Variants in PPP6R3 observed in about 807,000 individuals in gnomAD.
The protein encoded by PPP6R3 is serine/threonine-protein phosphatase 6 regulatory subunit 3.
Under a neutral mutation model 110.7 loss-of-function variants are expected in PPP6R3, and 38 were observed. That is an observed-to-expected ratio of 0.34 (90% CI 0.26 to 0.45). The LOEUF (loss-of-function observed/expected upper bound fraction) is 0.45, where lower values mean the gene tolerates loss of function less well. Among genes scored for constraint, PPP6R3 ranks in the 20% least tolerant of loss-of-function variants. The pLI is 1.00. For synonymous variants in PPP6R3, 369 were observed against 373.5 expected (o/e 0.99, Z 0.14); for missense variants, 870 against 1,062.4 (o/e 0.82, Z 2.52).
At chr11:68,601,754 A>G in intron 20 of PPP6R3, 109 bp from the exon 21 acceptor site, 1 of 818,426 alleles carries the variant, frequency 1.2e-6, no homozygotes, top group South Asian at 1.7e-5. Flanking sequence ...TCTTACACAG[A>G]TGCTAATGTC....
chr11:68,467,358 G>A (rs2098755780), intron 1 of PPP6R3, among the ~76,000 whole-genome samples: 1 of 152,180 alleles, frequency 6.6e-6, no homozygotes, highest in Admixed American at 6.5e-5. Flanking sequence ...ATTGACTACC[G>A]TGAAATCTGA....
chr11:68,609,758 C>A, intron 22 of PPP6R3, 146 bp from the exon 23 acceptor site: 1 of 1,550,010 alleles, frequency 6.5e-7, no homozygotes, highest in Non-Finnish European at 8.9e-7. Flanking sequence ...GTTGTGTGAT[C>A]GTGCACCCTG....
intron 1 of PPP6R3, among the ~76,000 whole-genome samples, chr11:68,488,367 T>A (rs1404651417): frequency 1.3e-5 from 2 of 152,158 alleles, no homozygotes; most frequent in African/African-American, 2.4e-5. Flanking sequence ...AGAGATGGTG[T>A]CTCGCTGTGT....
At chr11:68,507,935 G>C (rs971413086) in intron 1 of PPP6R3, among the ~76,000 whole-genome samples, 10 of 152,134 alleles carry the variant, frequency 6.6e-5, no homozygotes, top group African/African-American at 2.4e-4. Context: ...GCTGGGTGAG[G>C]TGGCTAACAC....
intron 12 of PPP6R3, among the ~76,000 whole-genome samples, chr11:68,571,787 T>C (rs1398839268): frequency 6.6e-6 from 1 of 152,192 alleles, no homozygotes; most frequent in Non-Finnish European, 1.5e-5. Context: ...ACAGGTTTAT[T>C]GAGATATAAT....
At chr11:68,479,410 G>A (rs2098882335) in intron 1 of PPP6R3, among the ~76,000 whole-genome samples, 1 of 152,136 alleles carries the variant, frequency 6.6e-6, no homozygotes, top group Non-Finnish European at 1.5e-5. Flanking sequence ...TTGGATTTTG[G>A]AGCATTTCTG....
rs34666175 is a variant in PPP6R3, at chr11:68,542,389, GTTTTT to G, written c.228-2431_228-2427del. Among the ~76,000 whole-genome samples, 37 of 40,206 alleles carry G rather than the reference GTTTTT, an allele frequency of 9.2e-4. 1 individual carries two copies. Among genetic ancestry groups the G allele is most frequent in the South Asian group, 3.6e-3 (2 of 558 alleles). 26.4% of individuals were successfully genotyped at this position (40,206 alleles called of 152,430 possible). A position where few individuals can be genotyped will look rare whatever the true frequency, so the allele number is the denominator to read the frequency against. Reference sequence around the variant, plus strand: ...ATCTTTGGGTGCTTGAGAAGCTGCTGTTTTTTTTTTTTTTTTTTTTTTAAGACAGA... The same window carrying G: ...ATCTTTGGGTGCTTGAGAAGCTGCTGTTTTTTTTTTTTTTTTTAAGACAGA... On this transcript the variant is annotated intron_variant, in intron 3 of 23. Coordinates refer to ENST00000393800, the MANE Select transcript of PPP6R3 (RefSeq NM_001164161.2).
chr11:68,495,866 G>A (rs2099012213), intron 1 of PPP6R3, among the ~76,000 whole-genome samples: 2 of 152,190 alleles, frequency 1.3e-5, no homozygotes, highest in Admixed American at 6.5e-5. Flanking sequence ...GAATTGTTGG[G>A]TCATATGGAG....
chr11:68,609,641 T>C lies in PPP6R3; in HGVS notation c.2451-263T>C, dbSNP rs544088048. On this transcript the variant is annotated intron_variant, in intron 22 of 23. Coordinates refer to ENST00000393800, the MANE Select transcript of PPP6R3 (RefSeq NM_001164161.2). ...TGAAATCCTATCGGTATGTACAGTG[T>C]TATGGGACCGTTCTTTATCAGACGC... is the stretch of plus-strand genomic sequence containing the variant. The C allele has an allele frequency of 9.3e-5, 145 of 1,553,528 alleles. No homozygotes were observed. The South Asian group carries it at 1.7e-3, about 18-fold the overall frequency.
At chr11:68,596,051 GTGGCTGAT>G (rs1186071361) in intron 18 of PPP6R3, 38 bp from the exon 19 acceptor site, 1 of 1,609,778 alleles carries the variant, frequency 6.2e-7, no homozygotes, top group Non-Finnish European at 8.5e-7. Flanking sequence ...GATTTAGCTG[GTGGCTGAT>G]AAGCAGTGTT....
intron 1 of PPP6R3, among the ~76,000 whole-genome samples, chr11:68,519,243 C>A (rs1323717352): frequency 1.3e-5 from 2 of 152,138 alleles, no homozygotes; most frequent in Non-Finnish European, 2.9e-5. Flanking sequence ...CTTCTTCACT[C>A]ATTGATAGTG....
chr11:68,498,616 G>T (rs2099031859), intron 1 of PPP6R3, among the ~76,000 whole-genome samples: 1 of 152,180 alleles, frequency 6.6e-6, no homozygotes, highest in Non-Finnish European at 1.5e-5. Flanking sequence ...AGGTACTCTT[G>T]TGTCTTTCTC....
chr11:68,504,738 G>A (rs2099066706), intron 1 of PPP6R3, among the ~76,000 whole-genome samples: 2 of 152,154 alleles, frequency 1.3e-5, no homozygotes, highest in African/African-American at 2.4e-5. Context: ...TTTGTTGGGG[G>A]AAAGAACAGT....
At chr11:68,567,880 G>T (rs1057197421) in intron 10 of PPP6R3, among the ~76,000 whole-genome samples, 1 of 152,146 alleles carries the variant, frequency 6.6e-6, no homozygotes, top group African/African-American at 2.4e-5. Flanking sequence ...GCATTGTAAT[G>T]TTCATCTTAT....
At chr11:68,498,200 T>A (rs1434750246) in intron 1 of PPP6R3, among the ~76,000 whole-genome samples, 1 of 152,206 alleles carries the variant, frequency 6.6e-6, no homozygotes, top group African/African-American at 2.4e-5. Flanking sequence ...CAGTTGCTAT[T>A]TTACCAGCAG....
Position 68,614,137 on chromosome 11 carries a change from A to AAGT in PPP6R3, c.*1023_*1025dup, listed in dbSNP as rs1295046945. The stretch of plus-strand genomic sequence containing the variant: ...TTCATTTTACAGGCTAGTATTTTAA[A>AAGT]AGTAGAAATCAAAATCTGGCACCGA... On this transcript the variant is annotated 3_prime_UTR_variant, in exon 24 of 24. Coordinates refer to ENST00000393800, the MANE Select transcript of PPP6R3 (RefSeq NM_001164161.2). 1.0e-6 allele frequency: 1 copy of AAGT among 986,426 alleles called. No individual in the cohort carries two copies. The highest frequency in any genetic ancestry group is 1.2e-6 in the Non-Finnish European group (1 of 830,506). 61.1% of individuals were successfully genotyped at this position (986,426 alleles called of 1,614,324 possible). A position where few individuals can be genotyped will look rare whatever the true frequency, so the allele number is the denominator to read the frequency against.
intron 1 of PPP6R3, among the ~76,000 whole-genome samples, chr11:68,504,501 G>A (rs1300633508): frequency 6.6e-6 from 1 of 152,076 alleles, no homozygotes; most frequent in Non-Finnish European, 1.5e-5. Context: ...TGAGTTATAC[G>A]CCATAGGAAA....
chr11:68,606,308 C>CCTTCTTTCTT (rs1003819500), intron 22 of PPP6R3, among the ~76,000 whole-genome samples: 173 of 151,810 alleles, frequency 1.1e-3, no homozygotes, highest in Admixed American at 1.9e-3. Flanking sequence ...CCTCCTTCCT[C>CCTTCTTTCTT]CTTCTTTCTT....
Position 68,600,341 on chromosome 11 carries a change from C to T in PPP6R3, c.2039C>T (p.Pro680Leu). The change falls in exon 20 of 24, where the codon CCA (proline) becomes CTA (leucine). Residue 680 changes from proline (P) to leucine (L), a missense_variant and splice_region_variant. By Grantham distance (98) the Pro-to-Leu change is moderately conservative (BLOSUM62 -3). Transcript: ENST00000393800. ...AATAGAATTTCTCCCCTCTTTTTAG[C>T]ACCCAACTGGTCAGCTAACTTTGAT... ...EDKMEVDLSE[P>L]PNWSANFDVP... 1.2e-6 allele frequency: 2 copies of T among 1,613,348 alleles called. No homozygotes were observed. Among genetic ancestry groups the T allele is most frequent in the African/African-American group, 2.7e-5 (2 of 74,988 alleles).
Sources: gnomAD v4.1 joint callset for allele counts (sites outside exome capture counted in the v4.1 genomes callset) on GRCh38, gnomAD v4.1.1 for gene constraint, MANE v1.5 for transcripts, NCBI Gene and HGNC (gene_info 2026-07-23, HGNC 2026-07-21) for gene names.